MAP3K9: variants seen among roughly 807,000 people sequenced by gnomAD.
The protein encoded by MAP3K9 is mitogen-activated protein kinase kinase kinase 9.
Under a neutral mutation model 95.8 loss-of-function variants are expected in MAP3K9, and 46 were observed. The ratio of observed to expected loss-of-function variants is 0.48; its 90% CI spans 0.38 to 0.61. MAP3K9 has a LOEUF of 0.61. MAP3K9 is among the 20% of genes least tolerant of loss of function. The probability of loss-of-function intolerance (pLI) is 0.00; values close to 1 mark genes in which losing one functional copy is unlikely to be tolerated. For missense variants in MAP3K9, 1,296 were observed against 1,474.3 expected (o/e 0.88, Z 1.98); for synonymous variants, 533 against 593.8 (o/e 0.90, Z 1.49).
chr14:70,771,585 C>T (rs1341744623), intron 2 of MAP3K9, among the ~76,000 whole-genome samples: 3 of 152,072 alleles, frequency 2.0e-5, no homozygotes, highest in Non-Finnish European at 4.4e-5. Context: ...GTTCTCGCTC[C>T]ACCACTGTGT....
chr14:70,765,156 C>G (rs942330098), intron 2 of MAP3K9, among the ~76,000 whole-genome samples: 1 of 151,820 alleles, frequency 6.6e-6, no homozygotes, highest in African/African-American at 2.4e-5. Flanking sequence ...TAGCAAAAAC[C>G]CATCTCTACT....
chr14:70,793,673 T>TTCAC (rs2054831420), intron 2 of MAP3K9, among the ~76,000 whole-genome samples: 1 of 152,014 alleles, frequency 6.6e-6, no homozygotes, highest in Non-Finnish European at 1.5e-5. Context: ...CATTCATTCA[T>TTCAC]TCATTCATTC....
At chr14:70,808,388 C>A (rs1246764517) in intron 1 of MAP3K9, among the ~76,000 whole-genome samples, 1 of 136,760 alleles carries the variant, frequency 7.3e-6, no homozygotes, top group Non-Finnish European at 1.5e-5. Context: ...AAGGCTAGGA[C>A]ACTAACCACC....
At chr14:70,768,819 A>G (rs1430284191) in intron 2 of MAP3K9, among the ~76,000 whole-genome samples, 1 of 152,102 alleles carries the variant, frequency 6.6e-6, no homozygotes, top group Non-Finnish European at 1.5e-5. Context: ...CTTATTTATT[A>G]TTCATCTCCA....
At chr14:70,760,901 G>A in intron 3 of MAP3K9, 101 bp downstream of exon 3, 1 of 1,299,204 alleles carries the variant, frequency 7.7e-7, no homozygotes, top group South Asian at 1.3e-5. Flanking sequence ...ACCTACTTCA[G>A]GTGCCTGGGA....
intron 2 of MAP3K9, 32 bp from the exon 3 acceptor site, chr14:70,761,214 G>A (rs376679606): frequency 1.9e-6 from 3 of 1,549,776 alleles, no homozygotes; most frequent in African/African-American, 1.4e-5. Context: ...GAAGAAACCA[G>A]AGTCTGCATT....
Position 70,809,469 on chromosome 14 carries a change from A to T in MAP3K9, c.-298T>A. 4.6e-6 allele frequency: 1 copy of T among 218,138 alleles called. No individual in the cohort carries two copies. The allele number at this position is 218,138 out of a possible 1,614,324, so 13.5% of individuals were successfully genotyped here. On this transcript the variant is annotated 5_prime_UTR_variant, in exon 1 of 12. Transcript: ENST00000554752. Reference sequence around the variant, plus strand: ...CTCTGCCGCCGGTACCTGCTCGCGCAGCCGGTGCCCGCCGCTGCCAGCCGG... The same window carrying T: ...CTCTGCCGCCGGTACCTGCTCGCGCTGCCGGTGCCCGCCGCTGCCAGCCGG...
chr14:70,796,403 C>T (rs1284422740), intron 2 of MAP3K9, among the ~76,000 whole-genome samples: 1 of 152,174 alleles, frequency 6.6e-6, no homozygotes, highest in Non-Finnish European at 1.5e-5. Context: ...ACTTGTTTGG[C>T]TGTATGATGC....
intron 2 of MAP3K9, among the ~76,000 whole-genome samples, chr14:70,778,362 G>A (rs537930794): frequency 1.1e-4 from 16 of 149,918 alleles, no homozygotes; most frequent in African/African-American, 2.5e-4. Flanking sequence ...CTGCAACTCC[G>A]TCTCTCAGGT....
At chr14:70,789,207 C>CT (rs2054780543) in intron 2 of MAP3K9, among the ~76,000 whole-genome samples, 1 of 152,136 alleles carries the variant, frequency 6.6e-6, no homozygotes, top group Admixed American at 6.6e-5. Context: ...CCACAAGAGG[C>CT]TTTTGCACAG....
chr14:70,746,578 C>T (rs1330011789), intron 5 of MAP3K9, among the ~76,000 whole-genome samples: 6 of 152,198 alleles, frequency 3.9e-5, no homozygotes, highest in African/African-American at 1.4e-4. Context: ...CTGTTCAGGT[C>T]CCAGCTTCAC....
intron 4 of MAP3K9, chr14:70,749,447 G>T (rs2054195724): frequency 6.1e-6 from 1 of 164,588 alleles, no homozygotes; most frequent in African/African-American, 2.4e-5. Context: ...AAGCATTCTA[G>T]TGGGAGTCAG....
In MAP3K9 at chr14:70,730,569, A is replaced by C. The variant is rs140610301; in HGVS notation, c.3126T>G (p.Thr1042=). ...LDSCFASSSS[T]VEERPGLPAL... ...CTGGAAGTCCAGGCCGCTCCTCTAC[A>C]GTGCTGCTACTGCTAGCAAAGCAGG... The change falls in exon 12 of 12, where the codon ACT becomes ACG. Residue 1042 remains threonine, a synonymous_variant. Transcript: ENST00000554752. 61 of 1,614,036 alleles carry C rather than the reference A, an allele frequency of 3.8e-5. No individual in the cohort carries two copies. The African/African-American group carries it at 6.8e-4, about 18-fold the overall frequency.
intron 2 of MAP3K9, among the ~76,000 whole-genome samples, chr14:70,762,275 C>A (rs60417730): frequency 2.0e-4 from 30 of 152,040 alleles, no homozygotes; most frequent in Non-Finnish European, 2.6e-4. Flanking sequence ...TTTGCTGGAT[C>A]GCATGGTAAT....
intron 2 of MAP3K9, among the ~76,000 whole-genome samples, chr14:70,775,815 C>T (rs1219573865): frequency 1.3e-5 from 2 of 152,192 alleles, no homozygotes; most frequent in Non-Finnish European, 2.9e-5. Flanking sequence ...AAAACCAAAC[C>T]ACCTGAGTCT....
rs548233692 is a variant in MAP3K9, at chr14:70,738,424, A to T, written c.1691-26T>A. 3.2e-5 allele frequency: 52 copies of T among 1,610,308 alleles called. No homozygotes were observed. In the East Asian group the frequency reaches 1.1e-3, roughly 35 times the overall value. ...CTGTGAATCACAAGGGTTGGATAGGATCTAGAAAATGGACAGACAGGGCTC... is the reference window on the plus strand; with the variant it reads ...CTGTGAATCACAAGGGTTGGATAGGTTCTAGAAAATGGACAGACAGGGCTC... On this transcript the variant is annotated intron_variant, in intron 7 of 11. Coordinates refer to ENST00000554752, the MANE Select transcript of MAP3K9 (RefSeq NM_001284230.2).
chr14:70,799,940 C>T (rs866761163), intron 2 of MAP3K9, among the ~76,000 whole-genome samples: 1 of 152,174 alleles, frequency 6.6e-6, no homozygotes, highest in Non-Finnish European at 1.5e-5. Flanking sequence ...AGAAAAGAAG[C>T]GTATTCCTAG....
Position 70,800,787 on chromosome 14 carries a change from C to T in MAP3K9, c.700G>A (p.Gly234Arg), listed in dbSNP as rs1316058516. ...AGGATGTCTGGGGGAATCCTTTTCC[C>T]AGATAACACTCTATTCAAAGGTCCT... ...RGGPLNRVLS[G>R]KRIPPDILVN... The change falls in exon 2 of 12, where the codon GGG becomes AGG. Residue 234 changes from glycine (G) to arginine (R), a missense_variant. By Grantham distance (125) the Gly-to-Arg change is moderately radical (BLOSUM62 -2). Transcript: ENST00000554752. 7 of 1,614,174 alleles carry T rather than the reference C, an allele frequency of 4.3e-6. No homozygotes were observed. Among genetic ancestry groups the T allele is most frequent in the Non-Finnish European group, 5.9e-6 (7 of 1,180,030 alleles).
rs1191866844 is a variant in MAP3K9 at position 70,808,962 on chromosome 14, C to T, written c.210G>A (p.Glu70=). The change falls in exon 1 of 12, where the codon GAG becomes GAA. Residue 70 remains glutamate, a synonymous_variant. Transcript: ENST00000554752. ...CCACGTCGCCCAGCCGCAGGGTCAG[C>T]TCGTCCTCGCCCGCCGCCTCGTACT... ...VFEYEAAGED[E]LTLRLGDVVE... The T allele has an allele frequency of 4.4e-6, 7 of 1,575,920 alleles. No individual in the cohort carries two copies. The highest frequency in any genetic ancestry group is 1.2e-5 in the South Asian group (1 of 86,462).
Sources: allele counts gnomAD v4.1 joint callset (sites outside exome capture counted in the v4.1 genomes callset), GRCh38; gene constraint gnomAD v4.1.1; transcripts MANE v1.5; gene names NCBI Gene and HGNC (gene_info 2026-07-23, HGNC 2026-07-21).